Variants in NUFIP2 observed in about 807,000 individuals in gnomAD.
The protein encoded by NUFIP2 is nuclear FMR1 interacting protein 2.
A neutral mutation model predicts 56.9 loss-of-function variants in NUFIP2; 6 were observed. The observed-to-expected ratio is 0.11, with a 90% CI of 0.06 to 0.21. The LOEUF is 0.21. NUFIP2 is among the 10% of genes least tolerant of loss of function. The pLI, the probability that NUFIP2 is intolerant of heterozygous loss-of-function variation, is 1.00. For synonymous variants in NUFIP2, 321 were observed against 298.2 expected, an observed-to-expected ratio of 1.08 and a Z score of -0.79; for missense variants, 828 against 826.8, an observed-to-expected ratio of 1.00 and a Z score of -0.02.
In NUFIP2 at chr17:29,256,116, T is replaced by C. The variant is rs960445438; in HGVS notation, c.*8423A>G. The C allele has an allele frequency of 1.3e-5, 2 of 152,336 alleles. No individual in the cohort carries two copies. Among genetic ancestry groups the C allele is most frequent in the Admixed American group, 6.5e-5 (1 of 15,304 alleles). 9.4% of individuals were successfully genotyped at this position (152,336 alleles called of 1,614,324 possible). A position where few individuals can be genotyped will look rare whatever the true frequency, so the allele number is the denominator to read the frequency against. ...AAAATTTCTGGTGACTGTTCTTATA[T>C]GTAGAAAAGACCTATATTTTTGACT... On this transcript the variant is annotated 3_prime_UTR_variant, in exon 4 of 4. Coordinates refer to ENST00000225388, the MANE Select transcript of NUFIP2 (RefSeq NM_020772.3).
At chr17:29,289,955 G>A (rs556725751) in intron 1 of NUFIP2, among the ~76,000 whole-genome samples, 28 of 151,952 alleles carry the variant, frequency 1.8e-4, no homozygotes, top group African/African-American at 6.8e-4. Context: ...ACAGATTCTC[G>A]CTCTGTGGCC....
At chr17:29,271,050 G>A (rs1008549145) in intron 2 of NUFIP2, among the ~76,000 whole-genome samples, 1 of 152,066 alleles carries the variant, frequency 6.6e-6, no homozygotes, top group Non-Finnish European at 1.5e-5. Flanking sequence ...CCAAGTTGAA[G>A]ATACTTCTTT....
chr17:29,281,532 A>T (rs77686237), intron 2 of NUFIP2, among the ~76,000 whole-genome samples: 7,402 of 151,524 alleles, frequency 0.049, 254 homozygotes, highest in South Asian at 0.16. Context: ...ATATTATATA[A>T]AAAGCTAAAA....
Position 29,261,873 on chromosome 17 carries a change from T to C in NUFIP2, c.*2666A>G, listed in dbSNP as rs775094093. On this transcript the variant is annotated 3_prime_UTR_variant, in exon 4 of 4. Coordinates refer to ENST00000225388, the MANE Select transcript of NUFIP2 (RefSeq NM_020772.3). Reference sequence around the variant, plus strand: ...ATTCCTAACTACATACCTCTAACCATATAATCAAGGAAATTTCAGTGGAGA... The same window carrying C: ...ATTCCTAACTACATACCTCTAACCACATAATCAAGGAAATTTCAGTGGAGA... The C allele has an allele frequency of 2.0e-5, 3 of 152,564 alleles. No homozygotes were observed. Among genetic ancestry groups the C allele is most frequent in the Non-Finnish European group, 4.4e-5 (3 of 67,990 alleles). 9.5% of individuals were successfully genotyped at this position (152,564 alleles called of 1,614,324 possible).
At chr17:29,275,267 A>G (rs181287643) in intron 2 of NUFIP2, among the ~76,000 whole-genome samples, 39 of 152,152 alleles carry the variant, frequency 2.6e-4, no homozygotes, top group Admixed American at 1.0e-3. Flanking sequence ...CAGGTGATCC[A>G]CCTGCCTCGG....
chr17:29,287,645 T>C lies in NUFIP2; in HGVS notation c.349A>G (p.Thr117Ala), dbSNP rs1298435856. 2 of 1,613,940 alleles carry C rather than the reference T, an allele frequency of 1.2e-6. No homozygotes were observed. Among genetic ancestry groups the C allele is most frequent in the Non-Finnish European group, 1.7e-6 (2 of 1,180,036 alleles). ...SLKNLSSDEATNPISRVLNGN... is the reference protein window; with the variant it reads ...SLKNLSSDEAANPISRVLNGN... ...TTGAGGACCCTGGAAATAGGGTTGG[T>C]GGCTTCATCAGAACTCAGGTTCTTT... is the stretch of plus-strand genomic sequence containing the variant. Residue 117 changes from threonine (T) to alanine (A), a missense_variant, in exon 2 of 4, where the codon ACC (threonine) becomes GCC (alanine). Coordinates refer to ENST00000225388, the MANE Select transcript of NUFIP2 (RefSeq NM_020772.3).
At position 29,286,240 on chromosome 17, in the gene NUFIP2, G is replaced by C; in HGVS notation, c.1754C>G (p.Thr585Ser). 6.2e-7 allele frequency: 1 copy of C among 1,614,162 alleles called. No individual in the cohort carries two copies. Among genetic ancestry groups the C allele is most frequent in the Non-Finnish European group, 8.5e-7 (1 of 1,180,028 alleles). ...CAAGGATAAGGCTCCACTCTCACTAGTAGTCCCAGATTTTAGAATGCTACC... is the reference window on the plus strand; with the variant it reads ...CAAGGATAAGGCTCCACTCTCACTACTAGTCCCAGATTTTAGAATGCTACC... ...VLGSILKSGT[T>S]SESGALSLEP... The change falls in exon 2 of 4, where the codon ACT (threonine) becomes AGT (serine). Residue 585 changes from threonine to serine, a missense_variant. Around this residue, in one of 3 missense-constraint regions of NUFIP2, gnomAD observed 404 missense variants for 380.3 expected, o/e 1.06. Coordinates refer to ENST00000225388, the MANE Select transcript of NUFIP2 (RefSeq NM_020772.3).
intron 2 of NUFIP2, among the ~76,000 whole-genome samples, chr17:29,272,075 AGAGGGGAGGGGAGGGGAGGG>A (rs1292329340): frequency 7.6e-5 from 2 of 26,476 alleles, no homozygotes; most frequent in East Asian, 4.8e-3. Flanking sequence ...TGTCGAAAAG[AGAGGGGAGGGGAGGGGAGGG>A]GAGGGGAGGG....
chr17:29,269,841 T>C (rs1177653086), intron 2 of NUFIP2, among the ~76,000 whole-genome samples: 9 of 152,142 alleles, frequency 5.9e-5, no homozygotes, highest in African/African-American at 2.4e-5. Flanking sequence ...TTGCCTCAGC[T>C]TCCCGAGTAA....
In NUFIP2 at chr17:29,259,683, T is replaced by A. The variant is rs2068991325; in HGVS notation, c.*4856A>T. On this transcript the variant is annotated 3_prime_UTR_variant, in exon 4 of 4. Coordinates refer to ENST00000225388, the MANE Select transcript of NUFIP2 (RefSeq NM_020772.3). Reference sequence around the variant, plus strand: ...AAAATAGGGAAGTCTGAATCAGCAATCCCATCACATATGAGGACGGCCATT... The same window carrying A: ...AAAATAGGGAAGTCTGAATCAGCAAACCCATCACATATGAGGACGGCCATT... The A allele has an allele frequency of 6.6e-6, 1 of 150,468 alleles. No individual in the cohort carries two copies. Among genetic ancestry groups the A allele is most frequent in the Non-Finnish European group, 1.5e-5 (1 of 67,748 alleles). The allele number at this position is 150,468 out of a possible 1,614,324, so 9.3% of individuals were successfully genotyped here.
At position 29,287,012 on chromosome 17, in the gene NUFIP2, C is replaced by T. The variant is rs150835181; in HGVS notation, c.982G>A (p.Ala328Thr). The change falls in exon 2 of 4, where the codon GCC (alanine) becomes ACC (threonine). Residue 328 changes from alanine (A) to threonine (T), a missense_variant. Physicochemically the swap from Ala to Thr is moderately conservative, Grantham distance 58. This residue lies in a region of NUFIP2 where 415 missense variants were observed against 408.7 expected (regional missense o/e 1.02). Transcript: ENST00000225388. The stretch of plus-strand genomic sequence containing the variant: ...AGGGTCCACGAGTCCTCTTTGGAGG[C>T]AACAGCTGAAGCATGCTTTCCTTTG... ...RPKGKHASAV[A>T]SKEDSWTLFK... The T allele has an allele frequency of 6.2e-7, 1 of 1,614,188 alleles. No homozygotes were observed. Among genetic ancestry groups the T allele is most frequent in the African/African-American group, 1.3e-5 (1 of 75,038 alleles).
At position 29,259,706 on chromosome 17, in the gene NUFIP2, AT is replaced by A. The variant is rs1280513229; in HGVS notation, c.*4832del. 1 of 152,114 alleles carries A rather than the reference AT, an allele frequency of 6.6e-6. No individual in the cohort carries two copies. 9.4% of individuals were successfully genotyped at this position (152,114 alleles called of 1,614,324 possible). A position where few individuals can be genotyped will look rare whatever the true frequency, so the allele number is the denominator to read the frequency against. ...AATCCCATCACATATGAGGACGGCC[AT>A]TCCATAGTTTCTAGCCCATAACTGA... On this transcript the variant is annotated 3_prime_UTR_variant, in exon 4 of 4. Transcript: ENST00000225388.
chr17:29,276,902 T>C (rs2069111545), intron 2 of NUFIP2, among the ~76,000 whole-genome samples: 1 of 152,160 alleles, frequency 6.6e-6, no homozygotes, highest in African/African-American at 2.4e-5. Flanking sequence ...ATAGTCAAAC[T>C]GAACAGATAC....
intron 2 of NUFIP2, among the ~76,000 whole-genome samples, chr17:29,273,328 G>A (rs1003864263): frequency 2.7e-5 from 4 of 150,846 alleles, no homozygotes; most frequent in African/African-American, 9.8e-5. Context: ...GTGAGCCACC[G>A]CGCCCAGCCA....
chr17:29,286,705 G>T lies in NUFIP2; in HGVS notation c.1289C>A (p.Pro430Gln). The change falls in exon 2 of 4, where the codon CCA becomes CAA. Residue 430 changes from proline (P) to glutamine (Q), a missense_variant. Coordinates refer to ENST00000225388, the MANE Select transcript of NUFIP2 (RefSeq NM_020772.3). ...LAGTDGNVYP[P>Q]GGQPLLTTAA... ...AGTAGTTAGCAGTGGCTGACCCCCT[G>T]GAGGATAAACATTTCCATCAGTCCC... is the stretch of plus-strand genomic sequence containing the variant. 1 of 1,614,088 alleles carries T rather than the reference G, an allele frequency of 6.2e-7. No homozygotes were observed. Among genetic ancestry groups the T allele is most frequent in the East Asian group, 2.2e-5 (1 of 44,876 alleles).
chr17:29,265,591 C>T (rs886262568), intron 3 of NUFIP2, among the ~76,000 whole-genome samples: 1 of 147,558 alleles, frequency 6.8e-6, no homozygotes, highest in South Asian at 2.1e-4. Context: ...CGTGAGCCAC[C>T]GCGCCCGGCC....
chr17:29,267,137 C>T (rs1158997764), intron 3 of NUFIP2, among the ~76,000 whole-genome samples: 3 of 151,650 alleles, frequency 2.0e-5, no homozygotes, highest in Non-Finnish European at 2.9e-5. Context: ...CTCCTGACCT[C>T]GGGTGATCCA....
rs2068985490 is a variant in NUFIP2 at position 29,258,813 on chromosome 17, G to A, written c.*5726C>T. On this transcript the variant is annotated 3_prime_UTR_variant, in exon 4 of 4. Transcript: ENST00000225388. ...TGGTATATGTATGGTATATAGTAAT[G>A]TAAAAAGTGCATCACATTCTTGATT... The A allele has an allele frequency of 1.3e-5, 2 of 152,194 alleles. No homozygotes were observed. Among genetic ancestry groups the A allele is most frequent in the African/African-American group, 4.8e-5 (2 of 41,448 alleles). 9.4% of individuals were successfully genotyped at this position (152,194 alleles called of 1,614,324 possible).
In NUFIP2 at chr17:29,267,482, A is replaced by ATCT. The variant is rs757237124; in HGVS notation, c.2035+13_2035+15dup. Reference sequence around the variant, plus strand: ...TTACTTATTAGTGACATTTTAAGTAATCTAATCATTCTTACCTTGCTTCTG... The same window carrying ATCT: ...TTACTTATTAGTGACATTTTAAGTAATCTTCTAATCATTCTTACCTTGCTTCTG... On this transcript the variant is annotated intron_variant, in intron 3 of 3. Transcript: ENST00000225388. The ATCT allele has an allele frequency of 7.0e-7, 1 of 1,437,460 alleles. No homozygotes were observed. Among genetic ancestry groups the ATCT allele is most frequent in the Non-Finnish European group, 9.7e-7 (1 of 1,035,286 alleles). 89.0% of individuals were successfully genotyped at this position (1,437,460 alleles called of 1,614,324 possible).
Sources: allele counts gnomAD v4.1 joint callset (sites outside exome capture counted in the v4.1 genomes callset), GRCh38; gene constraint gnomAD v4.1.1; regional missense constraint gnomAD v4.1.1; transcripts MANE v1.5; gene names NCBI Gene and HGNC (gene_info 2026-07-23, HGNC 2026-07-21).